MID1: variants seen among roughly 807,000 people sequenced by gnomAD.
MID1 encodes the protein E3 ubiquitin-protein ligase Midline-1.
Under a neutral mutation model 40.4 loss-of-function variants are expected in MID1, and 7 were observed. The ratio of observed to expected loss-of-function variants is 0.17; its 90% CI spans 0.10 to 0.33. The LOEUF (loss-of-function observed/expected upper bound fraction) is 0.33. Ranked by LOEUF, MID1 falls within the 10% of genes least tolerant of loss-of-function variation. MID1 has a pLI of 1.00. For missense variants in MID1, 367 were observed against 558.5 expected, an observed-to-expected ratio of 0.66 and a Z score of 3.46; for synonymous variants, 229 against 221.2, an observed-to-expected ratio of 1.04 and a Z score of -0.31.
chrX:10,664,315 C>T (rs139759154), intron 1 of MID1, among the ~76,000 whole-genome samples: 1,218 of 111,352 alleles, frequency 0.011, 4 homozygotes, highest in Non-Finnish European at 0.017. Context: ...TCATGTACCA[C>T]CATGTCCAGC....
rs769549645 is a variant in MID1 at position 10,459,843 on chromosome X, CACA to C, written c.1286-39_1286-37del. 1,374 of 1,170,599 alleles carry C rather than the reference CACA, an allele frequency of 1.2e-3. 14 individuals are homozygous for C. The Admixed American group carries it at 0.028, about 24-fold the overall frequency. ...AATCAGACATGGTGCAGTTCTTTGG[CACA>C]AGGGGAGCAATGTTTGCATAATTTT... On this transcript the variant is annotated intron_variant, in intron 7 of 9. Coordinates refer to ENST00000317552, the MANE Select transcript of MID1 (RefSeq NM_000381.4).
chrX:10,699,996 A>G (rs1258868217), intron 1 of MID1, among the ~76,000 whole-genome samples: 2 of 109,329 alleles, frequency 1.8e-5, no homozygotes, highest in Non-Finnish European at 3.8e-5. Flanking sequence ...CTAATTTTGT[A>G]TTTTTAGTAG....
chrX:10,465,186 T>TA, intron 7 of MID1, among the ~76,000 whole-genome samples: 1 of 62,805 alleles, frequency 1.6e-5, no homozygotes, highest in Admixed American at 1.8e-4. Flanking sequence ...TGTCTGAAAT[T>TA]TTATATATAT....
intron 1 of MID1, among the ~76,000 whole-genome samples, chrX:10,737,068 G>A (rs772277210): frequency 6.3e-5 from 7 of 111,666 alleles, no homozygotes; most frequent in African/African-American, 2.0e-4. Context: ...AAATACATAC[G>A]CACATTCTTA....
At chrX:10,744,822 C>A (rs1265965373) in intron 1 of MID1, among the ~76,000 whole-genome samples, 3 of 111,881 alleles carry the variant, frequency 2.7e-5, no homozygotes, top group African/African-American at 9.8e-5. Flanking sequence ...CAGTGAGAAT[C>A]CAAACACTCC....
chrX:10,807,610 C>T (rs2044057282), intron 1 of MID1, among the ~76,000 whole-genome samples: 1 of 111,845 alleles, frequency 8.9e-6, no homozygotes, highest in African/African-American at 3.3e-5. Context: ...GCTTTTCCAT[C>T]CTTGCACATG....
intron 4 of MID1, among the ~76,000 whole-genome samples, chrX:10,494,034 G>A (rs1931096350): frequency 8.9e-6 from 1 of 112,044 alleles, no homozygotes; most frequent in African/African-American, 3.2e-5. Flanking sequence ...TATCCTGTAA[G>A]GATTCCAGAT....
intron 1 of MID1, among the ~76,000 whole-genome samples, chrX:10,656,224 T>G (rs1740670850): frequency 8.9e-6 from 1 of 112,168 alleles, no homozygotes; most frequent in South Asian, 3.7e-4. Context: ...TGACTTGAAC[T>G]ATGCCCCTGA....
rs200729248 is a variant in MID1 at position 10,574,210 on chromosome X, C to T, written c.-56-6607G>A. On this transcript the variant is annotated intron_variant, in intron 1 of 9. Transcript: ENST00000317552. ...CAAAGGAATCACAAGGCTCTTTAAA[C>T]GTGGAAGTGGCAGGAAGAAGAGTCA... Among the ~76,000 whole-genome samples, 21 of 111,569 alleles carry T rather than the reference C, an allele frequency of 1.9e-4. No individual in the cohort carries two copies. In the East Asian group the frequency reaches 5.3e-3, roughly 28 times the overall value.
chrX:10,794,077 T>C (rs1184384869), intron 1 of MID1, among the ~76,000 whole-genome samples: 2 of 112,149 alleles, frequency 1.8e-5, no homozygotes, highest in Non-Finnish European at 3.8e-5. Context: ...TGGCCCATTA[T>C]AGGCAGTCAA....
intron 1 of MID1, among the ~76,000 whole-genome samples, chrX:10,584,161 G>A (rs1935083648): frequency 9.0e-6 from 1 of 111,641 alleles, no homozygotes; most frequent in Non-Finnish European, 1.9e-5. Flanking sequence ...AGCAGGAGAG[G>A]AAGAACCCAC....
chrX:10,732,844 T>C (rs1377810316), intron 1 of MID1, among the ~76,000 whole-genome samples: 1 of 100,968 alleles, frequency 9.9e-6, no homozygotes, highest in African/African-American at 3.6e-5. Flanking sequence ...GGTAAGTTGA[T>C]TTTCTTCTTC....
Position 10,449,387 on chromosome X carries a change from C to T in MID1, c.1985G>A (p.Cys662Tyr). The change falls in exon 10 of 10, where the codon TGC (cysteine) becomes TAC (tyrosine). Residue 662 changes from cysteine to tyrosine, a missense_variant. This residue lies in a region of MID1 where 275 missense variants were observed against 383.1 expected (regional missense o/e 0.72). Coordinates refer to ENST00000317552, the MANE Select transcript of MID1 (RefSeq NM_000381.4). Reference sequence around the variant, plus strand: ...AGACGCTCACGGCAGCTGCTCTGTGCAGTCCAAATGGTCTGGGATAGGGAG... The same window carrying T: ...AGACGCTCACGGCAGCTGCTCTGTGTAGTCCAAATGGTCTGGGATAGGGAG... The part of the protein sequence containing the change: ...TGLPIPDHLD[C>Y]TEQLP 1 of 1,210,384 alleles carries T rather than the reference C, an allele frequency of 8.3e-7. No homozygotes were observed. Among genetic ancestry groups the T allele is most frequent in the Non-Finnish European group, 1.1e-6 (1 of 894,333 alleles).
chrX:10,731,504 T>C (rs1331197313), intron 1 of MID1, among the ~76,000 whole-genome samples: 1 of 111,735 alleles, frequency 8.9e-6, no homozygotes. Context: ...AATTAGAAAA[T>C]ACTTTGAACT....
intron 8 of MID1, among the ~76,000 whole-genome samples, chrX:10,457,565 G>A (rs1928756792): frequency 8.9e-6 from 1 of 112,083 alleles, no homozygotes; most frequent in South Asian, 3.7e-4. Flanking sequence ...TTTTGATACT[G>A]TGCCCAGCAG....
intron 2 of MID1, among the ~76,000 whole-genome samples, chrX:10,566,577 G>C (rs200738721): frequency 9.9e-6 from 1 of 100,724 alleles, no homozygotes; most frequent in African/African-American, 4.1e-5. Context: ...CTCTCAGAGA[G>C]AGGCAGCACT....
intron 2 of MID1, among the ~76,000 whole-genome samples, chrX:10,564,499 G>T (rs1427199765): frequency 2.7e-5 from 3 of 111,846 alleles, no homozygotes; most frequent in Non-Finnish European, 5.6e-5. Context: ...ATGTGTTTCG[G>T]TGCATTGGAT....
At chrX:10,681,191 A>T (rs939909858) in intron 1 of MID1, among the ~76,000 whole-genome samples, 1 of 111,068 alleles carries the variant, frequency 9.0e-6, no homozygotes, top group African/African-American at 3.3e-5. Flanking sequence ...AAATTAAGGA[A>T]TTGGTTACAA....
intron 1 of MID1, among the ~76,000 whole-genome samples, chrX:10,812,144 T>C (rs374653399): frequency 8.9e-6 from 1 of 111,751 alleles, no homozygotes; most frequent in Non-Finnish European, 1.9e-5. Flanking sequence ...AAGTGCTGAA[T>C]AGATTTGGCC....
Sources: allele counts gnomAD v4.1 joint callset (sites outside exome capture counted in the v4.1 genomes callset), GRCh38; gene constraint gnomAD v4.1.1; regional missense constraint gnomAD v4.1.1; transcripts MANE v1.5; gene names NCBI Gene and HGNC (gene_info 2026-07-23, HGNC 2026-07-21).